The following PRR16 variants were observed in gnomAD, a reference collection of about 807,000 sequenced individuals.
PRR16 encodes proline rich 16, also known as protein Largen.
PRR16 carries 6 observed loss-of-function variants against 18.2 expected under a neutral mutation model. The observed-to-expected ratio is 0.33, with a 90% CI of 0.18 to 0.65. The LOEUF (loss-of-function observed/expected upper bound fraction) is 0.65. PRR16 is among the 30% of genes least tolerant of loss of function. The pLI is 0.74. For missense variants in PRR16, 412 were observed against 376.6 expected (o/e 1.09, Z -0.78); for synonymous variants, 151 against 147.8 (o/e 1.02, Z -0.16).
chr5:120,720,518 C>T, the PRR16 span, among the ~76,000 whole-genome samples: 2 of 151,974 alleles, frequency 1.3e-5, no homozygotes, highest in Non-Finnish European at 2.9e-5. Context: ...TTCTAACATT[C>T]ACATAACTGG....
At chr5:120,632,711 C>A (rs1365410979) in intron 1 of PRR16, among the ~76,000 whole-genome samples, 1 of 152,056 alleles carries the variant, frequency 6.6e-6, no homozygotes, top group African/African-American at 2.4e-5. Context: ...ATGAACAAAG[C>A]CTCCAAGAAG....
chr5:120,702,601 T>C, the PRR16 span, among the ~76,000 whole-genome samples: 1 of 152,044 alleles, frequency 6.6e-6, no homozygotes, highest in Non-Finnish European at 1.5e-5. Flanking sequence ...GAGGTGTCCG[T>C]GAAATGATTA....
intron 1 of PRR16, among the ~76,000 whole-genome samples, chr5:120,609,370 C>T (rs1056863614): frequency 2.0e-4 from 30 of 152,020 alleles, no homozygotes; most frequent in Admixed American, 9.8e-4. Flanking sequence ...CCACTTCTCT[C>T]TCCCTAGAGC....
intron 1 of PRR16, among the ~76,000 whole-genome samples, chr5:120,545,750 T>A (rs1044436519): frequency 1.3e-5 from 2 of 152,124 alleles, no homozygotes; most frequent in Non-Finnish European, 2.9e-5. Flanking sequence ...AATAAAATTT[T>A]AAAAATTTGG....
At chr5:120,554,384 T>C (rs1455648169) in intron 1 of PRR16, among the ~76,000 whole-genome samples, 2 of 151,972 alleles carry the variant, frequency 1.3e-5, no homozygotes, top group East Asian at 1.9e-4. Context: ...AATTTAGTTA[T>C]GTAACTGTAG....
the PRR16 span, among the ~76,000 whole-genome samples, chr5:120,740,376 T>TA: frequency 6.8e-6 from 1 of 148,004 alleles, no homozygotes; most frequent in South Asian, 2.1e-4. Context: ...ATGTTATGGC[T>TA]AAAAAAGACT....
intron 1 of PRR16, among the ~76,000 whole-genome samples, chr5:120,584,777 A>C (rs1159545748): frequency 6.6e-6 from 1 of 152,068 alleles, no homozygotes; most frequent in Non-Finnish European, 1.5e-5. Flanking sequence ...CTTATAAAAT[A>C]GTAGTCGTCT....
chr5:120,732,728 TG>T, the PRR16 span, among the ~76,000 whole-genome samples: 13 of 151,908 alleles, frequency 8.6e-5, no homozygotes, highest in Admixed American at 7.9e-4. Flanking sequence ...TGAAAGGGAG[TG>T]GACCAAGGAG....
intron 1 of PRR16, among the ~76,000 whole-genome samples, chr5:120,594,070 C>T (rs1219088712): frequency 6.6e-6 from 1 of 152,080 alleles, no homozygotes; most frequent in African/African-American, 2.4e-5. Flanking sequence ...AAGCTAGAAG[C>T]ATTCCCCTTG....
rs1756391403 is a variant in PRR16 at position 120,666,724 on chromosome 5, T to G, written c.160-19230T>G. ...TGCATCTATTGAGATAATCATGTGG[T>G]TTTTGTCTTTGGTTCTGTTTATATG... On this transcript the variant is annotated intron_variant, in intron 1 of 1. Transcript: ENST00000407149. 2.7e-5 allele frequency among the ~76,000 whole-genome samples: 4 copies of G among 147,288 alleles called. No individual in the cohort carries two copies. The South Asian group carries it at 8.8e-4, about 32-fold the overall frequency.
intron 1 of PRR16, among the ~76,000 whole-genome samples, chr5:120,604,327 A>G (rs1754081767): frequency 6.6e-6 from 1 of 151,774 alleles, no homozygotes; most frequent in Non-Finnish European, 1.5e-5. Context: ...GTCCTTTTTT[A>G]TCATTGACGA....
chr5:120,761,648 A>G, the PRR16 span, among the ~76,000 whole-genome samples: 2 of 152,136 alleles, frequency 1.3e-5, no homozygotes, highest in African/African-American at 4.8e-5. Context: ...ATATTTTGTT[A>G]TATGCCTAGA....
chr5:120,763,731 A>G, the PRR16 span, among the ~76,000 whole-genome samples: 2 of 151,826 alleles, frequency 1.3e-5, no homozygotes, highest in East Asian at 1.9e-4. Flanking sequence ...AATTTCTTTC[A>G]TCAGTTTTTT....
At chr5:120,627,913 G>T (rs952293188) in intron 1 of PRR16, among the ~76,000 whole-genome samples, 9 of 152,056 alleles carry the variant, frequency 5.9e-5, no homozygotes, top group African/African-American at 2.2e-4. Context: ...TTGTCTTAAA[G>T]AAATAAGTTT....
At chr5:120,529,609 T>C (rs560963459) in intron 1 of PRR16, among the ~76,000 whole-genome samples, 2 of 152,144 alleles carry the variant, frequency 1.3e-5, no homozygotes, top group Admixed American at 6.6e-5. Context: ...TGCATCAGCT[T>C]TCATGGCTTG....
At chr5:120,709,600 T>C in the PRR16 span, among the ~76,000 whole-genome samples, 1 of 152,256 alleles carries the variant, frequency 6.6e-6, no homozygotes, top group Non-Finnish European at 1.5e-5. Context: ...TCTAGCTATA[T>C]TTTTGTACCT....
At chr5:120,505,930 G>T (rs1750628748) in intron 1 of PRR16, among the ~76,000 whole-genome samples, 1 of 134,352 alleles carries the variant, frequency 7.4e-6, no homozygotes, top group South Asian at 2.4e-4. Context: ...ATATATATGT[G>T]TGTATGTGTG....
chr5:120,621,629 G>A (rs994842814), intron 1 of PRR16, among the ~76,000 whole-genome samples: 1 of 152,074 alleles, frequency 6.6e-6, no homozygotes, highest in African/African-American at 2.4e-5. Flanking sequence ...GATTATGGGG[G>A]CAGTTTCCCC....
At chr5:120,677,896 T>C (rs2150151643) in intron 1 of PRR16, among the ~76,000 whole-genome samples, 2 of 124,296 alleles carry the variant, frequency 1.6e-5, no homozygotes, top group East Asian at 4.9e-4. Context: ...CTGCTTTTTC[T>C]TTTTCTTTCT....
Sources: gnomAD v4.1 joint callset for allele counts (sites outside exome capture counted in the v4.1 genomes callset) on GRCh38, gnomAD v4.1.1 for gene constraint, MANE v1.5 for transcripts, NCBI Gene and HGNC (gene_info 2026-07-23, HGNC 2026-07-21) for gene names.